Variants in PBRM1 observed in about 807,000 individuals in gnomAD.
PBRM1 encodes the protein protein polybromo-1.
A neutral mutation model predicts 194.5 loss-of-function variants in PBRM1; 27 were observed. The observed-to-expected ratio is 0.14, with a 90% CI of 0.10 to 0.19. PBRM1 has a LOEUF of 0.19. PBRM1 is among the 10% of genes least tolerant of loss of function. The probability of loss-of-function intolerance (pLI) is 1.00; values close to 1 mark genes in which losing one functional copy is unlikely to be tolerated. For missense variants in PBRM1, 1,466 were observed against 2,077.2 expected (o/e 0.71, Z 5.72); for synonymous variants, 655 against 693.2 (o/e 0.94, Z 0.87).
chr3:52,682,532 T>A (rs900936690), upstream of PBRM1, among the ~76,000 whole-genome samples: 7 of 152,294 alleles, frequency 4.6e-5, no homozygotes, highest in African/African-American at 1.7e-4. Context: ...TTAATTTACT[T>A]TGGTAAGATA....
intron 11 of PBRM1, among the ~76,000 whole-genome samples, 160 bp downstream of exon 12, chr3:52,634,442 A>G (rs574027743): frequency 4.6e-5 from 7 of 152,048 alleles, no homozygotes; most frequent in Non-Finnish European, 1.0e-4. Flanking sequence ...TCTCAAAAAA[A>G]AAAAAAAAAA....
chr3:52,574,939 T>A (rs1011463592), intron 22 of PBRM1, among the ~76,000 whole-genome samples: 4 of 152,144 alleles, frequency 2.6e-5, no homozygotes, highest in African/African-American at 7.2e-5. Flanking sequence ...CTCACTCTGT[T>A]GCCCAGGCTG....
At chr3:52,616,386 T>C (rs1367196911) in intron 14 of PBRM1, among the ~76,000 whole-genome samples, 2 of 152,146 alleles carry the variant, frequency 1.3e-5, no homozygotes, top group Non-Finnish European at 2.9e-5. Context: ...GTTACAACGA[T>C]AAAGAACTAA....
chr3:52,630,028 T>A (rs980958588), intron 11 of PBRM1, among the ~76,000 whole-genome samples: 1 of 152,172 alleles, frequency 6.6e-6, no homozygotes, highest in Non-Finnish European at 1.5e-5. Flanking sequence ...AGTACCAGGT[T>A]GTGTAGCTAG....
At chr3:52,620,872 G>A (rs879697533) in intron 13 of PBRM1, among the ~76,000 whole-genome samples, 15 of 152,096 alleles carry the variant, frequency 9.9e-5, no homozygotes, top group East Asian at 1.9e-4. Flanking sequence ...AGTCACTTAT[G>A]ACCTTCTCTG....
intron 22 of PBRM1, among the ~76,000 whole-genome samples, chr3:52,571,090 C>T (rs530735884): frequency 6.0e-5 from 9 of 150,686 alleles, no homozygotes; most frequent in African/African-American, 9.9e-5. Flanking sequence ...TTTGGGAGGC[C>T]GAGGCAGGCG....
At position 52,628,891 on chromosome 3, in the gene PBRM1, C is replaced by T. The variant is rs2095530004; in HGVS notation, c.1443+3G>A. 6.8e-6 allele frequency: 11 copies of T among 1,613,314 alleles called. No individual in the cohort carries two copies. The highest frequency in any genetic ancestry group is 4.5e-5 in the East Asian group (2 of 44,868). On this transcript the variant is annotated splice_donor_region_variant and intron_variant, in intron 12 of 29. Coordinates refer to ENST00000296302, the Ensembl canonical transcript of PBRM1. ...CAAACTCAGCAAAAACAATAAATCA[C>T]ACCTGCATAACTTGCTGCAATTTTA...
At chr3:52,645,518 T>G (rs2096265939) in intron 7 of PBRM1, among the ~76,000 whole-genome samples, 1 of 151,884 alleles carries the variant, frequency 6.6e-6, no homozygotes, top group African/African-American at 2.4e-5. Context: ...TTTTTTTTTT[T>G]TTTTCCTTTC....
intron 17 of PBRM1, among the ~76,000 whole-genome samples, chr3:52,591,511 GTTTTTTTTTTT>G (rs57736913): frequency 2.8e-5 from 2 of 71,842 alleles, no homozygotes; most frequent in African/African-American, 1.1e-4. Flanking sequence ...TTTTGTCTTT[GTTTTTTTTTTT>G]TTTTTTTTTT....
At chr3:52,605,080 G>C (rs982391956) in intron 16 of PBRM1, among the ~76,000 whole-genome samples, 1 of 152,166 alleles carries the variant, frequency 6.6e-6, no homozygotes, top group African/African-American at 2.4e-5. Context: ...ACTGTGGTCT[G>C]AGGAAGGTTT....
intron 17 of PBRM1, among the ~76,000 whole-genome samples, chr3:52,601,514 C>T (rs1437571023): frequency 4.0e-5 from 6 of 151,724 alleles, no homozygotes; most frequent in Non-Finnish European, 8.8e-5. Context: ...TAACAGGAAG[C>T]GGAGCTCAGG....
chr3:52,617,564 GAAA>G, intron 13 of PBRM1, 26 bp from the exon 16 acceptor site: 1 of 1,549,648 alleles, frequency 6.5e-7, no homozygotes, highest in Non-Finnish European at 8.7e-7. Flanking sequence ...TAGAAAAGGG[GAAA>G]AATTAGAATA....
rs945457799 is a variant in PBRM1 at position 52,616,479 on chromosome 3, G to A, written c.1818+783C>T. On this transcript the variant is annotated intron_variant, in intron 14 of 29. Coordinates refer to ENST00000296302, the Ensembl canonical transcript of PBRM1. ...GAGGCTGAGGCAGGGGGATCACGAC[G>A]TCAGGAGATCAAGACCATCCTGGCT... is the stretch of plus-strand genomic sequence containing the variant. Among the ~76,000 whole-genome samples, 5 of 152,220 alleles carry A rather than the reference G, an allele frequency of 3.3e-5. No homozygotes were observed. In the South Asian group the frequency reaches 6.2e-4, roughly 19 times the overall value.
At chr3:52,658,365 G>T in intron 4 of PBRM1, 50 bp from the exon 6 acceptor site, 4 of 953,960 alleles carry the variant, frequency 4.2e-6, no homozygotes, top group South Asian at 1.4e-5. Flanking sequence ...ATAAAATGCT[G>T]AATATTACAT....
At chr3:52,657,930 T>A (rs1247997339) in intron 5 of PBRM1, among the ~76,000 whole-genome samples, 1 of 152,066 alleles carries the variant, frequency 6.6e-6, no homozygotes, top group East Asian at 1.9e-4. Flanking sequence ...TAGCTGGGAT[T>A]ATAGGCATGC....
chr3:52,613,085 C>T (rs1039642393), intron 15 of PBRM1, among the ~76,000 whole-genome samples: 1 of 152,004 alleles, frequency 6.6e-6, no homozygotes, highest in Non-Finnish European at 1.5e-5. Context: ...ATGATAATTA[C>T]TTCATTGTTA....
chr3:52,620,221 G>C (rs1346501105), intron 13 of PBRM1, among the ~76,000 whole-genome samples: 1 of 152,196 alleles, frequency 6.6e-6, no homozygotes, highest in Non-Finnish European at 1.5e-5. Context: ...TTAGAACACA[G>C]ATGACTTTAA....
At chr3:52,648,070 A>C (rs751946984) in intron 7 of PBRM1, among the ~76,000 whole-genome samples, 1 of 151,956 alleles carries the variant, frequency 6.6e-6, no homozygotes, top group Non-Finnish European at 1.5e-5. Context: ...CACCACGCCC[A>C]GCTAATTTTT....
At chr3:52,619,185 C>T (rs576295827) in intron 13 of PBRM1, among the ~76,000 whole-genome samples, 5 of 152,296 alleles carry the variant, frequency 3.3e-5, no homozygotes, top group East Asian at 1.9e-4. Flanking sequence ...TGAGCCACTG[C>T]GCCTGGCCAA....
Sources: gnomAD v4.1 joint callset for allele counts (sites outside exome capture counted in the v4.1 genomes callset) on GRCh38, gnomAD v4.1.1 for gene constraint, MANE v1.5 for transcripts, NCBI Gene and HGNC (gene_info 2026-07-23, HGNC 2026-07-21) for gene names.